Variants in WDR59 observed in about 807,000 individuals in gnomAD.
WDR59 encodes the protein WD repeat domain 59.
A neutral mutation model predicts 131.2 loss-of-function variants in WDR59; 100 were observed. The ratio of observed to expected loss-of-function variants is 0.76; its 90% confidence interval spans 0.65 to 0.90. WDR59 has a LOEUF of 0.90. Ranked by LOEUF, WDR59 falls within the 40% of genes least tolerant of loss-of-function variation. The pLI is 0.00. For missense variants in WDR59, 1,203 were observed against 1,262.2 expected, an observed-to-expected ratio of 0.95 and a Z score of 0.71; for synonymous variants, 601 against 466.2, an observed-to-expected ratio of 1.29 and a Z score of -3.72.
intron 3 of WDR59, among the ~76,000 whole-genome samples, chr16:74,956,163 T>C (rs1943063): frequency 1.3e-5 from 2 of 151,914 alleles, no homozygotes; most frequent in African/African-American, 4.8e-5. Context: ...CTGCCATTTG[T>C]CCGCTGGCTA....
At chr16:74,948,421 G>T in intron 6 of WDR59, 98 bp downstream of exon 6, 1 of 1,123,088 alleles carries the variant, frequency 8.9e-7, no homozygotes, top group Non-Finnish European at 1.3e-6. Context: ...GTTAGAGAGG[G>T]AGATGGAAAG....
At chr16:74,981,047 G>A (rs138432586) in intron 1 of WDR59, among the ~76,000 whole-genome samples, 28 of 143,512 alleles carry the variant, frequency 2.0e-4, no homozygotes, top group Admixed American at 4.3e-4. Context: ...GAACAAGAAC[G>A]TAAAGCCCCA....
intron 4 of WDR59, among the ~76,000 whole-genome samples, chr16:74,950,776 A>T (rs1326162698): frequency 6.6e-5 from 10 of 151,858 alleles, no homozygotes. Flanking sequence ...GCCAAGGGCC[A>T]CTCCCTGACA....
Position 74,889,718 on chromosome 16 carries a change from T to G in WDR59, c.2180A>C (p.Gln727Pro). 1 of 1,613,992 alleles carries G rather than the reference T, an allele frequency of 6.2e-7. No individual in the cohort carries two copies. The highest frequency in any genetic ancestry group is 8.5e-7 in the Non-Finnish European group (1 of 1,179,980). ...TPWARHPFGR[Q>P]LLESLLAHYC... ...CAAAACCTACAGGGACTCCAGCAGC[T>G]GCCGCCCAAATGGATGTCGAGCCCA... The change falls in exon 21 of 26, where the codon CAG (glutamine) becomes CCG (proline). Residue 727 changes from glutamine to proline, a missense_variant. Transcript: ENST00000262144.
At chr16:74,910,118 C>T (rs1966015127) in intron 14 of WDR59, among the ~76,000 whole-genome samples, 1 of 151,960 alleles carries the variant, frequency 6.6e-6, no homozygotes, top group Non-Finnish European at 1.5e-5. Context: ...CAGGCGCCCA[C>T]CCCCATGCCT....
chr16:74,978,320 C>CAAA (rs1182301591), intron 1 of WDR59, among the ~76,000 whole-genome samples: 145 of 53,168 alleles, frequency 2.7e-3, no homozygotes, highest in Non-Finnish European at 3.2e-3. Context: ...GACTCTGTCT[C>CAAA]AAAAAAAAAA....
Position 74,887,811 on chromosome 16 carries a change from G to A in WDR59, c.2347-56C>T. The A allele has an allele frequency of 2.6e-6, 4 of 1,536,840 alleles. No homozygotes were observed. The South Asian group carries it at 3.4e-5, about 13-fold the overall frequency. ...CTAGCATGAGAATACCATTCCCCAT[G>A]ACAGTTCACATTAAGAAAACAGCAG... is the stretch of plus-strand genomic sequence containing the variant. On this transcript the variant is annotated intron_variant, in intron 22 of 25. Transcript: ENST00000262144.
intron 1 of WDR59, among the ~76,000 whole-genome samples, chr16:74,972,821 TAAAAA>T (rs57885889): frequency 3.1e-4 from 17 of 55,042 alleles, no homozygotes; most frequent in South Asian, 9.0e-4. Flanking sequence ...GACTCTGTCT[TAAAAA>T]AAAAAAAAAA....
At chr16:74,978,744 C>A (rs986733324) in intron 1 of WDR59, among the ~76,000 whole-genome samples, 4 of 151,712 alleles carry the variant, frequency 2.6e-5, no homozygotes, top group African/African-American at 9.7e-5. Flanking sequence ...CCTGCATAAA[C>A]CTGGATTTTT....
At chr16:74,896,262 C>G (rs557373140) in intron 18 of WDR59, among the ~76,000 whole-genome samples, 43 of 152,156 alleles carry the variant, frequency 2.8e-4, no homozygotes, top group Non-Finnish European at 4.9e-4. Flanking sequence ...AATTCACTAT[C>G]GTTCAGTTTA....
intron 21 of WDR59, among the ~76,000 whole-genome samples, chr16:74,888,902 G>C (rs375961620): frequency 6.6e-6 from 1 of 152,222 alleles, no homozygotes; most frequent in Non-Finnish European, 1.5e-5. Flanking sequence ...GATTATGCTA[G>C]AATGTGAGTA....
intron 1 of WDR59, among the ~76,000 whole-genome samples, chr16:74,966,429 G>C (rs535182118): frequency 1.3e-5 from 2 of 152,126 alleles, no homozygotes; most frequent in Admixed American, 6.5e-5. Flanking sequence ...GCAGTGACTC[G>C]AGATTGAGCC....
intron 2 of WDR59, among the ~76,000 whole-genome samples, chr16:74,960,767 AAAAG>A (rs911415693): frequency 2.0e-5 from 3 of 151,688 alleles, no homozygotes; most frequent in African/African-American, 7.3e-5. Context: ...AAAAAAAAAA[AAAAG>A]AGAGAGAGAA....
chr16:74,945,960 G>A (rs1038563786), intron 6 of WDR59, among the ~76,000 whole-genome samples: 1 of 151,790 alleles, frequency 6.6e-6, no homozygotes, highest in African/African-American at 2.4e-5. Context: ...TGAGATTACA[G>A]GCATGCACCA....
intron 19 of WDR59, 59 bp from the exon 20 acceptor site, chr16:74,892,624 AC>A: frequency 7.4e-7 from 1 of 1,344,108 alleles, no homozygotes; most frequent in East Asian, 2.4e-5. Context: ...CAAATCAACG[AC>A]TCCCAGTTTA....
chr16:74,979,006 T>C (rs1413622524), intron 1 of WDR59: 1 of 152,242 alleles, frequency 6.6e-6, no homozygotes, highest in African/African-American at 2.4e-5. Context: ...CATTCCAGCA[T>C]CTTACCTTTC....
intron 18 of WDR59, among the ~76,000 whole-genome samples, chr16:74,903,490 A>AT (rs1965652655): frequency 1.1e-5 from 1 of 90,260 alleles, no homozygotes; most frequent in Non-Finnish European, 2.5e-5. Context: ...TAGACTTAGT[A>AT]TAAAAAAAAA....
At chr16:74,952,722 C>A (rs149996826) in intron 3 of WDR59, among the ~76,000 whole-genome samples, 1 of 151,158 alleles carries the variant, frequency 6.6e-6, no homozygotes, top group East Asian at 1.9e-4. Context: ...ATAAAGATTA[C>A]TAGTAGGCTG....
chr16:74,981,585 AT>A (rs1361913080), intron 1 of WDR59, among the ~76,000 whole-genome samples: 2 of 129,988 alleles, frequency 1.5e-5, no homozygotes, highest in South Asian at 4.8e-4. Context: ...TATTTTTTGT[AT>A]TTTTTTAGAC....
Sources: gnomAD v4.1 joint callset for allele counts (sites outside exome capture counted in the v4.1 genomes callset) on GRCh38, gnomAD v4.1.1 for gene constraint, MANE v1.5 for transcripts, NCBI Gene and HGNC (gene_info 2026-07-23, HGNC 2026-07-21) for gene names.